Variants in NDUFA5 observed in about 807,000 individuals in gnomAD.
The protein encoded by NDUFA5 is NADH dehydrogenase [ubiquinone] 1 alpha subcomplex subunit 5.
A neutral mutation model predicts 19.8 loss-of-function variants in NDUFA5; 11 were observed. The observed-to-expected ratio is 0.56, with a 90% CI of 0.35 to 0.92. The LOEUF is 0.92. Ranked by LOEUF, NDUFA5 falls within the 40% of genes least tolerant of loss-of-function variation. The pLI, the probability that NDUFA5 is intolerant of heterozygous loss-of-function variation, is 0.01. For synonymous variants in NDUFA5, 47 were observed against 46.8 expected, an observed-to-expected ratio of 1.00 and a Z score of -0.01; for missense variants, 109 against 134.2, an observed-to-expected ratio of 0.81 and a Z score of 0.93.
chr7:123,575,888 CCT>C, the NDUFA5 span, among the ~76,000 whole-genome samples: 2 of 148,250 alleles, frequency 1.3e-5, no homozygotes, highest in African/African-American at 4.9e-5. Context: ...GTTACTTTTC[CCT>C]GGCATGCATA....
the NDUFA5 span, among the ~76,000 whole-genome samples, chr7:123,578,705 G>T: frequency 6.6e-6 from 1 of 151,962 alleles, no homozygotes; most frequent in Non-Finnish European, 1.5e-5. Context: ...TTCTTTCTCA[G>T]GGAGACATTG....
chr7:123,545,911 T>A (rs574550312), intron 3 of NDUFA5: 6 of 385,668 alleles, frequency 1.6e-5, no homozygotes, highest in Non-Finnish European at 2.8e-5. Flanking sequence ...GGGACAGAAA[T>A]ACAATGTCAA....
the NDUFA5 span, among the ~76,000 whole-genome samples, chr7:123,590,665 G>C: frequency 6.6e-6 from 1 of 151,864 alleles, no homozygotes; most frequent in Non-Finnish European, 1.5e-5. Flanking sequence ...CCTCTGTTCT[G>C]TTCCATTGGT....
the NDUFA5 span, among the ~76,000 whole-genome samples, chr7:123,564,235 A>G: frequency 6.6e-6 from 1 of 152,248 alleles, no homozygotes; most frequent in African/African-American, 2.4e-5. Flanking sequence ...TATTATATGT[A>G]TATGCCTCAC....
chr7:123,581,162 T>C, the NDUFA5 span, among the ~76,000 whole-genome samples: 1 of 151,892 alleles, frequency 6.6e-6, no homozygotes, highest in Non-Finnish European at 1.5e-5. Flanking sequence ...GGTGTTTCTC[T>C]GAGAGCATGA....
At chr7:123,576,464 T>C in the NDUFA5 span, among the ~76,000 whole-genome samples, 1 of 152,154 alleles carries the variant, frequency 6.6e-6, no homozygotes, top group South Asian at 2.1e-4. Context: ...ATATTTTTCA[T>C]AGTGTCTTTA....
At chr7:123,567,668 C>T in the NDUFA5 span, among the ~76,000 whole-genome samples, 1 of 152,142 alleles carries the variant, frequency 6.6e-6, no homozygotes, top group South Asian at 2.1e-4. Flanking sequence ...AAGAAAGCAT[C>T]TCAATTCTCA....
At chr7:123,548,143 A>G (rs532912894) in intron 3 of NDUFA5, among the ~76,000 whole-genome samples, 3 of 152,326 alleles carry the variant, frequency 2.0e-5, no homozygotes, top group African/African-American at 7.2e-5. Context: ...CTTAGTAAAT[A>G]GATATTTTAT....
chr7:123,569,157 G>A, the NDUFA5 span, among the ~76,000 whole-genome samples: 1 of 152,114 alleles, frequency 6.6e-6, no homozygotes, highest in Non-Finnish European at 1.5e-5. Flanking sequence ...AACTAGACTG[G>A]CCGTTCTCAA....
the NDUFA5 span, among the ~76,000 whole-genome samples, chr7:123,598,003 C>T: frequency 8.0e-5 from 12 of 150,010 alleles, no homozygotes; most frequent in African/African-American, 2.5e-4. Context: ...TCTTAGGTCT[C>T]ATCTCTCTAC....
Position 123,540,450 on chromosome 7 carries a change from T to C in NDUFA5, c.*1669A>G, listed in dbSNP as rs1797888678. On this transcript the variant is annotated 3_prime_UTR_variant, in exon 5 of 5. Transcript: ENST00000355749. Reference sequence around the variant, plus strand: ...ACAGCAAGCCATCTTTGTTTCTGTGTTGTCCAAAGGACCTGAAAAATAATG... The same window carrying C: ...ACAGCAAGCCATCTTTGTTTCTGTGCTGTCCAAAGGACCTGAAAAATAATG... The C allele has an allele frequency of 2.0e-5, 3 of 152,178 alleles. No individual in the cohort carries two copies. The highest frequency in any genetic ancestry group is 2.0e-4 in the Admixed American group (3 of 15,276). The allele number at this position is 152,178 out of a possible 1,614,324, so 9.4% of individuals were successfully genotyped here.
At chr7:123,563,167 C>A in the NDUFA5 span, among the ~76,000 whole-genome samples, 1 of 152,106 alleles carries the variant, frequency 6.6e-6, no homozygotes, top group Non-Finnish European at 1.5e-5. Flanking sequence ...AGAACTTTTT[C>A]TTTGTATTCA....
Position 123,550,592 on chromosome 7 carries a change from A to G in NDUFA5, c.67-6T>C, listed in dbSNP as rs1798299882. 2.6e-6 allele frequency: 4 copies of G among 1,524,036 alleles called. No homozygotes were observed. Among genetic ancestry groups the G allele is most frequent in the Non-Finnish European group, 3.6e-6 (4 of 1,106,142 alleles). 94.4% of individuals were successfully genotyped at this position (1,524,036 alleles called of 1,614,324 possible). On this transcript the variant is annotated splice_polypyrimidine_tract_variant and splice_region_variant and intron_variant, in intron 2 of 4. Coordinates refer to ENST00000355749, the MANE Select transcript of NDUFA5 (RefSeq NM_005000.5). ...GTGTACAATATTCTTAGCCTCTGAA[A>G]AGACAAACCATACAAATTTCCATAG...
the NDUFA5 span, among the ~76,000 whole-genome samples, chr7:123,568,389 G>T: frequency 6.6e-6 from 1 of 151,788 alleles, no homozygotes; most frequent in African/African-American, 2.4e-5. Context: ...GCATGGTGGC[G>T]CATGCTTGTA....
At chr7:123,543,469 G>A (rs1169793658) in intron 4 of NDUFA5, among the ~76,000 whole-genome samples, 1 of 152,072 alleles carries the variant, frequency 6.6e-6, no homozygotes, top group Non-Finnish European at 1.5e-5. Context: ...TTGAAATGCA[G>A]CTAGTCCAAA....
chr7:123,548,614 T>A (rs577761822), intron 3 of NDUFA5, among the ~76,000 whole-genome samples: 5 of 152,282 alleles, frequency 3.3e-5, no homozygotes, highest in African/African-American at 1.2e-4. Context: ...ACTGCTTAAG[T>A]ATAGAGTATA....
chr7:123,583,134 G>A, the NDUFA5 span, among the ~76,000 whole-genome samples: 7 of 151,974 alleles, frequency 4.6e-5, no homozygotes, highest in African/African-American at 1.4e-4. Context: ...GCTCACTCCC[G>A]TAATACAAGC....
At chr7:123,544,264 C>T (rs62484467) in intron 4 of NDUFA5, among the ~76,000 whole-genome samples, 2 of 151,636 alleles carry the variant, frequency 1.3e-5, no homozygotes, top group African/African-American at 4.8e-5. Flanking sequence ...TTTGGGAGGC[C>T]GAGGCAGGCA....
chr7:123,566,926 T>C, the NDUFA5 span: 1 of 152,214 alleles, frequency 6.6e-6, no homozygotes, highest in African/African-American at 2.4e-5. Flanking sequence ...TCCTCCAGAT[T>C]CTAAGAATTT....
Sources: gnomAD v4.1 joint callset for allele counts (sites outside exome capture counted in the v4.1 genomes callset) on GRCh38, gnomAD v4.1.1 for gene constraint, MANE v1.5 for transcripts, NCBI Gene and HGNC (gene_info 2026-07-23, HGNC 2026-07-21) for gene names.